Variants in TTC38 observed in about 807,000 individuals in gnomAD.
TTC38 encodes tetratricopeptide repeat protein 38.
A neutral mutation model predicts 64.2 loss-of-function variants in TTC38; 64 were observed. The observed-to-expected ratio is 1.00, with a 90% CI of 0.81 to 1.23. TTC38 has a LOEUF of 1.23. TTC38 is among the 50% of genes most tolerant of loss of function. The pLI is 0.00. For missense variants in TTC38, 573 were observed against 615.5 expected (o/e 0.93, Z 0.73); for synonymous variants, 254 against 249.3 (o/e 1.02, Z -0.18).
rs1195385629 is a variant in TTC38 at position 46,291,158 on chromosome 22, A to G, written c.1316+1259A>G. ...TAGAACTGTAAAATGTCTTGGACGC[A>G]TGCTCCCCGCTTTCCCCTTCCATGG... On this transcript the variant is annotated intron_variant, in intron 13 of 13. Coordinates refer to ENST00000381031, the MANE Select transcript of TTC38 (RefSeq NM_017931.4). The surrounding 1 kb of genome is among the most constrained non-coding windows in gnomAD (Gnocchi z 4.6). Among the ~76,000 whole-genome samples the G allele has an allele frequency of 1.3e-5, 2 of 152,220 alleles. No homozygotes were observed. The highest frequency in any genetic ancestry group is 2.9e-5 in the Non-Finnish European group (2 of 68,044).
At chr22:46,277,042 T>TACACACAC (rs1478498696) in intron 5 of TTC38, among the ~76,000 whole-genome samples, 82 of 71,444 alleles carry the variant, frequency 1.1e-3, no homozygotes, top group African/African-American at 3.9e-3. Flanking sequence ...TACATATATA[T>TACACACAC]ACATACACAC....
chr22:46,281,486 C>G lies in TTC38; in HGVS notation c.616-113C>G. 9.7e-6 allele frequency: 11 copies of G among 1,131,410 alleles called. No homozygotes were observed. The highest frequency in any genetic ancestry group is 1.5e-5 in the African/African-American group (1 of 64,978). The allele number at this position is 1,131,410 out of a possible 1,614,324, so 70.1% of individuals were successfully genotyped here. On this transcript the variant is annotated intron_variant, in intron 6 of 13. Coordinates refer to ENST00000381031, the MANE Select transcript of TTC38 (RefSeq NM_017931.4). This position sits in a 1 kb window ranked among gnomAD's most constrained non-coding sequence, Gnocchi z 5.2. ...AGTCAGAGCCCCGCCCCCCCACTTG[C>G]TCCACCCCGTTCAGCCCAGGCCCCT...
chr22:46,288,368 G>A (rs967905989), intron 10 of TTC38, 55 bp from the exon 11 acceptor site: 14 of 1,554,834 alleles, frequency 9.0e-6, no homozygotes, highest in East Asian at 6.8e-5. Context: ...GCCCTTGCAC[G>A]GGACATGCCC....
At position 46,291,156 on chromosome 22, in the gene TTC38, G is replaced by A. The variant is rs767912288; in HGVS notation, c.1316+1257G>A. 8.5e-5 allele frequency among the ~76,000 whole-genome samples: 13 copies of A among 152,234 alleles called. No individual in the cohort carries two copies. The highest frequency in any genetic ancestry group is 1.8e-4 in the Non-Finnish European group (12 of 68,036). On this transcript the variant is annotated intron_variant, in intron 13 of 13. Transcript: ENST00000381031. The surrounding 1 kb of genome is among the most constrained non-coding windows in gnomAD (Gnocchi z 4.6). ...CCTAGAACTGTAAAATGTCTTGGAC[G>A]CATGCTCCCCGCTTTCCCCTTCCAT...
Position 46,276,794 on chromosome 22 carries a change from TA to T in TTC38, c.539+1378del, listed in dbSNP as rs1487071143. Among the ~76,000 whole-genome samples, 24 of 141,332 alleles carry T rather than the reference TA, an allele frequency of 1.7e-4. 1 individual carries two copies. The East Asian group carries it at 3.1e-3, about 18-fold the overall frequency. 92.7% of individuals were successfully genotyped at this position (141,332 alleles called of 152,430 possible). ...ATTAAATATATATTAAAATATATAT[TA>T]AAAATTATATATTAAAATATATATA... On this transcript the variant is annotated intron_variant, in intron 5 of 13. Coordinates refer to ENST00000381031, the MANE Select transcript of TTC38 (RefSeq NM_017931.4). This position sits in a 1 kb window ranked among gnomAD's most constrained non-coding sequence, Gnocchi z 4.7.
At position 46,291,004 on chromosome 22, in the gene TTC38, G is replaced by A. The variant is rs559284733; in HGVS notation, c.1316+1105G>A. 1.2e-4 allele frequency among the ~76,000 whole-genome samples: 18 copies of A among 152,344 alleles called. No homozygotes were observed. Among genetic ancestry groups the A allele is most frequent in the Middle Eastern group, 3.4e-3 (1 of 294 alleles). On this transcript the variant is annotated intron_variant, in intron 13 of 13. Coordinates refer to ENST00000381031, the MANE Select transcript of TTC38 (RefSeq NM_017931.4). This position sits in a 1 kb window ranked among gnomAD's most constrained non-coding sequence, Gnocchi z 4.6. ...CCGGGTCCACAGGAGGCCCTTGGCT[G>A]GTGACAAGCCCAGTGGTTTAGGCGC...
At position 46,291,784 on chromosome 22, in the gene TTC38, G is replaced by C. The variant is rs9615937; in HGVS notation, c.1317-1007G>C. Reference sequence around the variant, plus strand: ...AGCCTGGCTAATATGGTGAAACTCCGCCTCTACTAAAAATACAAAAAATTA... The same window carrying C: ...AGCCTGGCTAATATGGTGAAACTCCCCCTCTACTAAAAATACAAAAAATTA... On this transcript the variant is annotated intron_variant, in intron 13 of 13. Coordinates refer to ENST00000381031, the MANE Select transcript of TTC38 (RefSeq NM_017931.4). The surrounding 1 kb of genome is among the most constrained non-coding windows in gnomAD (Gnocchi z 4.6). Among the ~76,000 whole-genome samples the C allele has an allele frequency of 0.061, 9,351 of 152,130 alleles. 404 individuals are homozygous for C. Among genetic ancestry groups the C allele is most frequent in the Non-Finnish European group, 0.094 (6,372 of 67,980 alleles).
chr22:46,287,463 C>T (rs894927815), intron 10 of TTC38, among the ~76,000 whole-genome samples: 4 of 152,254 alleles, frequency 2.6e-5, no homozygotes, highest in African/African-American at 9.6e-5. Flanking sequence ...CCTGCCAAAC[C>T]TTCGGGGCAC....
At chr22:46,290,381 A>G (rs2077604712) in intron 13 of TTC38, among the ~76,000 whole-genome samples, 1 of 150,854 alleles carries the variant, frequency 6.6e-6, no homozygotes, top group Non-Finnish European at 1.5e-5. Flanking sequence ...TCAGTCCCAC[A>G]GACACGTAAA....
Position 46,289,431 on chromosome 22 carries a change from T to C in TTC38, c.1112T>C (p.Leu371Pro), listed in dbSNP as rs2077595732. 6.2e-7 allele frequency: 1 copy of C among 1,609,670 alleles called. No individual in the cohort carries two copies. The highest frequency in any genetic ancestry group is 2.2e-5 in the East Asian group (1 of 44,864). ...CCAGGGGAGAACTGCCAGCACCTCC[T>C]GGCCCGAGACGTGGGGCTGCCCCTG... ...ESPGENCQHLLARDVGLPLCQ... is the reference protein window; with the variant it reads ...ESPGENCQHLPARDVGLPLCQ... The change falls in exon 12 of 14, where the codon CTG becomes CCG. Residue 371 changes from leucine (L) to proline (P), a missense_variant. Physicochemically the swap from Leu to Pro is moderately conservative, Grantham distance 98 (BLOSUM62 -3). Coordinates refer to ENST00000381031, the MANE Select transcript of TTC38 (RefSeq NM_017931.4).
rs185651346 is a variant in TTC38 at position 46,291,163 on chromosome 22, C to T, written c.1316+1264C>T. 1.3e-5 allele frequency among the ~76,000 whole-genome samples: 2 copies of T among 152,348 alleles called. No individual in the cohort carries two copies. Among genetic ancestry groups the T allele is most frequent in the African/African-American group, 4.8e-5 (2 of 41,568 alleles). ...CTGTAAAATGTCTTGGACGCATGCT[C>T]CCCGCTTTCCCCTTCCATGGCTGTA... On this transcript the variant is annotated intron_variant, in intron 13 of 13. Coordinates refer to ENST00000381031, the MANE Select transcript of TTC38 (RefSeq NM_017931.4). This position sits in a 1 kb window ranked among gnomAD's most constrained non-coding sequence, Gnocchi z 4.6.
chr22:46,290,866 T>C (rs187418232), intron 13 of TTC38, among the ~76,000 whole-genome samples: 2 of 152,272 alleles, frequency 1.3e-5, no homozygotes, highest in African/African-American at 4.8e-5. Flanking sequence ...AGCGGCGAGT[T>C]TGACACCTCT....
rs573269576 is a variant in TTC38, at chr22:46,282,968, G to A, written c.736-1005G>A. ...TTTTGAGACAAGTTCTCTCTCTGTC[G>A]CCCAAGGTGGAGTGCAGTGGCACAA... is the stretch of plus-strand genomic sequence containing the variant. On this transcript the variant is annotated intron_variant, in intron 7 of 13. Coordinates refer to ENST00000381031, the MANE Select transcript of TTC38 (RefSeq NM_017931.4). This position sits in a 1 kb window ranked among gnomAD's most constrained non-coding sequence, Gnocchi z 4.4. 7.9e-5 allele frequency among the ~76,000 whole-genome samples: 12 copies of A among 152,014 alleles called. No homozygotes were observed. Among genetic ancestry groups the A allele is most frequent in the Middle Eastern group, 3.4e-3 (1 of 294 alleles).
At position 46,273,793 on chromosome 22, in the gene TTC38, G is replaced by A; in HGVS notation, c.194-105G>A. ...GTGCCCAGCCTGCTGCTGCCTGGCTGGCCCCTCCTGGGACGTGGGGTGTCT... is the reference window on the plus strand; with the variant it reads ...GTGCCCAGCCTGCTGCTGCCTGGCTAGCCCCTCCTGGGACGTGGGGTGTCT... On this transcript the variant is annotated intron_variant, in intron 3 of 13. Coordinates refer to ENST00000381031, the MANE Select transcript of TTC38 (RefSeq NM_017931.4). The surrounding 1 kb of genome is among the most constrained non-coding windows in gnomAD (Gnocchi z 5.1). 2.6e-6 allele frequency: 3 copies of A among 1,132,930 alleles called. No individual in the cohort carries two copies. Among genetic ancestry groups the A allele is most frequent in the East Asian group, 2.5e-5 (1 of 40,150 alleles). The allele number at this position is 1,132,930 out of a possible 1,614,324, so 70.2% of individuals were successfully genotyped here. A position where few individuals can be genotyped will look rare whatever the true frequency, so the allele number is the denominator to read the frequency against.
chr22:46,282,718 A>T lies in TTC38; in HGVS notation c.735+1000A>T, dbSNP rs6007779. 2.6e-5 allele frequency among the ~76,000 whole-genome samples: 4 copies of T among 151,890 alleles called. No individual in the cohort carries two copies. Among genetic ancestry groups the T allele is most frequent in the African/African-American group, 7.3e-5 (3 of 41,278 alleles). On this transcript the variant is annotated intron_variant, in intron 7 of 13. Coordinates refer to ENST00000381031, the MANE Select transcript of TTC38 (RefSeq NM_017931.4). The surrounding 1 kb of genome is among the most constrained non-coding windows in gnomAD (Gnocchi z 4.4). ...GAGGTTTCTGAGTGCTGGGCACTCT[A>T]GCTTGTTGAGGATCACGAGTCCAGT...
chr22:46,278,764 A>T (rs1372239293), intron 6 of TTC38, 103 bp downstream of exon 6: 1 of 929,638 alleles, frequency 1.1e-6, no homozygotes, highest in Non-Finnish European at 1.8e-6. Flanking sequence ...GGCGAACCCC[A>T]TCCCTGGTCT....
rs76514558 is a variant in TTC38 at position 46,287,098 on chromosome 22, A to G, written c.860A>G (p.Asp287Gly). Residue 287 changes from aspartate to glycine, a missense_variant, in exon 10 of 14, where the codon GAT becomes GGT. By Grantham distance (94) the Asp-to-Gly change is moderately conservative. Transcript: ENST00000381031. ...THILPSLQAN[D>G]AMLDVVDSCS... Reference sequence around the variant, plus strand: ...ATCCTTCCCAGCCTGCAGGCCAACGATGCAATGCTGGACGTGGTGGACAGC... The same window carrying G: ...ATCCTTCCCAGCCTGCAGGCCAACGGTGCAATGCTGGACGTGGTGGACAGC... 2.1e-3 allele frequency: 3,333 copies of G among 1,604,924 alleles called. 75 individuals carry two copies. The African/African-American group carries it at 0.04, about 19-fold the overall frequency.
chr22:46,268,064 G>C lies in TTC38; in HGVS notation c.25G>C (p.Asp9His). 1 of 1,543,844 alleles carries C rather than the reference G, an allele frequency of 6.5e-7. No homozygotes were observed. Among genetic ancestry groups the C allele is most frequent in the Non-Finnish European group, 8.7e-7 (1 of 1,151,186 alleles). MAAASPLR[D>H]CQAWKDARLP... ...CATGGCCGCAGCCTCGCCTCTGCGC[G>C]ACTGCCAGGTACACGGAGGCTGCCC... The change falls in exon 1 of 14, where the codon GAC becomes CAC. Residue 9 changes from aspartate (D) to histidine (H), a missense_variant. Coordinates refer to ENST00000381031, the MANE Select transcript of TTC38 (RefSeq NM_017931.4).
rs762313788 is a variant in TTC38 at position 46,273,523 on chromosome 22, C to A, written c.194-375C>A. 1.3e-5 allele frequency among the ~76,000 whole-genome samples: 2 copies of A among 152,204 alleles called. No homozygotes were observed. The highest frequency in any genetic ancestry group is 2.9e-5 in the Non-Finnish European group (2 of 68,032). ...TGCTCCGGGGCCTCCTTGGTCCAGCCCCTTATGAGCAGCATCCACTGATGC... is the reference window on the plus strand; with the variant it reads ...TGCTCCGGGGCCTCCTTGGTCCAGCACCTTATGAGCAGCATCCACTGATGC... On this transcript the variant is annotated intron_variant, in intron 3 of 13. Transcript: ENST00000381031. The surrounding 1 kb of genome is among the most constrained non-coding windows in gnomAD (Gnocchi z 5.1).
Sources: gnomAD v4.1 joint callset for allele counts (sites outside exome capture counted in the v4.1 genomes callset) on GRCh38, gnomAD v4.1.1 for gene constraint, Gnocchi (gnomAD v3.1) non-coding constraint, MANE v1.5 for transcripts, NCBI Gene and HGNC (gene_info 2026-07-23, HGNC 2026-07-21) for gene names.